Variants in SORCS2 observed in about 807,000 individuals in gnomAD.
The protein encoded by SORCS2 is sortilin related VPS10 domain containing receptor 2, also known as VPS10 domain-containing receptor SorCS2.
A neutral mutation model predicts 141.6 loss-of-function variants in SORCS2; 100 were observed. That is an observed-to-expected ratio of 0.71 (90% confidence interval 0.60 to 0.83). The LOEUF is 0.83. SORCS2 is among the 40% of genes least tolerant of loss of function. The pLI, the probability that SORCS2 is intolerant of heterozygous loss-of-function variation, is 0.00. For missense variants in SORCS2, 1,646 were observed against 1,560.2 expected (o/e 1.05, Z -0.93); for synonymous variants, 789 against 676.9 (o/e 1.17, Z -2.57).
At chr4:7,532,239 A>G (rs1356604857) in intron 3 of SORCS2, among the ~76,000 whole-genome samples, 3 of 152,194 alleles carry the variant, frequency 2.0e-5, no homozygotes, top group Non-Finnish European at 4.4e-5. Flanking sequence ...CGGCAGAGGC[A>G]CCAGGGCAAA....
chr4:7,418,155 C>T (rs1725816986), intron 2 of SORCS2, among the ~76,000 whole-genome samples: 1 of 152,170 alleles, frequency 6.6e-6, no homozygotes, highest in South Asian at 2.1e-4. Context: ...TTTCTGAGCG[C>T]TCAGCACATT....
intron 1 of SORCS2, among the ~76,000 whole-genome samples, chr4:7,221,066 T>C (rs1728675630): frequency 6.6e-6 from 1 of 152,230 alleles, no homozygotes; most frequent in Admixed American, 6.5e-5. Context: ...GTCAGCTCAG[T>C]GACGGCACCC....
intron 1 of SORCS2, among the ~76,000 whole-genome samples, chr4:7,350,625 G>C (rs1720884781): frequency 1.3e-5 from 2 of 152,378 alleles, no homozygotes; most frequent in South Asian, 4.1e-4. Flanking sequence ...GCAGGCGGCA[G>C]GTCCAGGCAG....
At chr4:7,231,359 C>T (rs1483685557) in intron 1 of SORCS2, among the ~76,000 whole-genome samples, 1 of 152,210 alleles carries the variant, frequency 6.6e-6, no homozygotes. Context: ...ATACATTAAT[C>T]TCATTCAAAT....
intron 1 of SORCS2, among the ~76,000 whole-genome samples, chr4:7,322,361 C>G (rs952511745): frequency 2.0e-5 from 3 of 152,196 alleles, no homozygotes; most frequent in African/African-American, 7.2e-5. Flanking sequence ...ACAATGTGCT[C>G]CCTCTATCTG....
chr4:7,675,930 G>A, intron 8 of SORCS2, 120 bp from the exon 9 acceptor site: 1 of 1,170,400 alleles, frequency 8.5e-7, no homozygotes, highest in Admixed American at 2.3e-5. Context: ...ACCTAGGCCA[G>A]GCTGGCTCCA....
At chr4:7,333,819 G>A (rs78820093) in intron 1 of SORCS2, among the ~76,000 whole-genome samples, 3 of 152,284 alleles carry the variant, frequency 2.0e-5, no homozygotes, top group East Asian at 1.9e-4. Context: ...ATTTTGCCTC[G>A]CTGAGCTGGG....
At chr4:7,472,650 A>C (rs1218330187) in intron 2 of SORCS2, among the ~76,000 whole-genome samples, 1 of 152,124 alleles carries the variant, frequency 6.6e-6, no homozygotes, top group African/African-American at 2.4e-5. Context: ...AGGACACGGG[A>C]GGGCAGACTA....
chr4:7,734,976 CTT>C (rs1329148337), intron 25 of SORCS2, among the ~76,000 whole-genome samples: 1 of 152,250 alleles, frequency 6.6e-6, no homozygotes, highest in Non-Finnish European at 1.5e-5. Context: ...TCATACCTCT[CTT>C]TCCTTCTGAG....
chr4:7,377,167 TG>T (rs1722708582), intron 1 of SORCS2, among the ~76,000 whole-genome samples: 1 of 152,224 alleles, frequency 6.6e-6, no homozygotes. Flanking sequence ...TAACATTGTT[TG>T]TCTTTTTTTT....
chr4:7,249,786 G>T (rs1285899891), intron 1 of SORCS2, among the ~76,000 whole-genome samples: 2 of 152,318 alleles, frequency 1.3e-5, no homozygotes, highest in Admixed American at 6.5e-5. Flanking sequence ...GACATGTGCA[G>T]TATAGACGAC....
intron 1 of SORCS2, among the ~76,000 whole-genome samples, chr4:7,345,954 C>G (rs1436458236): frequency 6.6e-6 from 1 of 152,220 alleles, no homozygotes; most frequent in Non-Finnish European, 1.5e-5. Context: ...TTCCTTCATG[C>G]TCAGTCTAGC....
At chr4:7,542,350 C>G (rs980968093) in intron 3 of SORCS2, among the ~76,000 whole-genome samples, 2 of 152,158 alleles carry the variant, frequency 1.3e-5, no homozygotes, top group Admixed American at 1.3e-4. Flanking sequence ...GTCTTTGCAG[C>G]TGTAATCGAG....
At chr4:7,281,423 G>A (rs568348322) in intron 1 of SORCS2, among the ~76,000 whole-genome samples, 4 of 152,124 alleles carry the variant, frequency 2.6e-5, no homozygotes, top group African/African-American at 7.2e-5. Context: ...CTGCAGCTGC[G>A]CTCTGGAGAC....
chr4:7,671,670 G>C (rs557078310), intron 8 of SORCS2, among the ~76,000 whole-genome samples: 1 of 152,136 alleles, frequency 6.6e-6, no homozygotes, highest in Non-Finnish European at 1.5e-5. Flanking sequence ...CTGAGGAGCA[G>C]AAAGAATAAG....
intron 3 of SORCS2, among the ~76,000 whole-genome samples, chr4:7,559,845 C>G (rs563782829): frequency 6.9e-4 from 105 of 152,370 alleles, no homozygotes; most frequent in African/African-American, 2.3e-3. Flanking sequence ...TCGCAAATAC[C>G]CATTGCTGTC....
At chr4:7,508,790 G>C (rs577335153) in intron 2 of SORCS2, among the ~76,000 whole-genome samples, 1 of 152,200 alleles carries the variant, frequency 6.6e-6, no homozygotes, top group Non-Finnish European at 1.5e-5. Flanking sequence ...GCTCAGAGAA[G>C]AGGCCCAGAG....
chr4:7,198,934 A>G (rs1033151963), intron 1 of SORCS2, among the ~76,000 whole-genome samples: 2 of 152,134 alleles, frequency 1.3e-5, no homozygotes, highest in African/African-American at 4.8e-5. Context: ...CACTCAGAGC[A>G]TGGGTTGAGA....
intron 3 of SORCS2, among the ~76,000 whole-genome samples, chr4:7,601,675 G>GTTTGTTTTTT (rs767119066): frequency 6.9e-6 from 1 of 145,590 alleles, no homozygotes; most frequent in Non-Finnish European, 1.5e-5. Context: ...TTGTTTGTTT[G>GTTTGTTTTTT]TTTTTTTAGT....
Sources: gnomAD v4.1 joint callset for allele counts (sites outside exome capture counted in the v4.1 genomes callset) on GRCh38, gnomAD v4.1.1 for gene constraint, MANE v1.5 for transcripts, NCBI Gene and HGNC (gene_info 2026-07-23, HGNC 2026-07-21) for gene names.